RAB15: variants seen among roughly 807,000 people sequenced by gnomAD.
The protein encoded by RAB15 is RAB15, member RAS oncogene family.
In RAB15, 13 loss-of-function variants were observed where a neutral mutation model predicts 31.8. The ratio of observed to expected loss-of-function variants is 0.41; its 90% CI spans 0.27 to 0.65. The LOEUF is 0.65. Ranked by LOEUF, RAB15 falls within the 30% of genes least tolerant of loss-of-function variation. The pLI, the probability that RAB15 is intolerant of heterozygous loss-of-function variation, is 0.32. For missense variants in RAB15, 220 were observed against 277.3 expected (o/e 0.79, Z 1.47); for synonymous variants, 100 against 105.6 (o/e 0.95, Z 0.33).
intron 1 of RAB15, among the ~76,000 whole-genome samples, chr14:64,956,951 G>T (rs911325359): frequency 3.7e-3 from 343 of 92,718 alleles, no homozygotes; most frequent in Middle Eastern, 0.022. Flanking sequence ...TTTTTTTTTT[G>T]GGATGGAGTC....
In RAB15 at chr14:64,951,497, A is replaced by C; in HGVS notation, c.246+106T>G. 9.6e-7 allele frequency: 1 copy of C among 1,038,684 alleles called. No individual in the cohort carries two copies. The highest frequency in any genetic ancestry group is 1.5e-6 in the Non-Finnish European group (1 of 654,508). 64.3% of individuals were successfully genotyped at this position (1,038,684 alleles called of 1,614,324 possible). A position where few individuals can be genotyped will look rare whatever the true frequency, so the allele number is the denominator to read the frequency against. ...AAAGACGCCCTGCGCTCCTCCAAGC[A>C]GGCGAACTGTATTTAGGGGATCCGT... On this transcript the variant is annotated intron_variant, in intron 3 of 6. Coordinates refer to ENST00000533601, the MANE Select transcript of RAB15 (RefSeq NM_001308154.2). This position sits in a 1 kb window ranked among gnomAD's most constrained non-coding sequence, Gnocchi z 7.2.
rs574455626 is a variant in RAB15 at position 64,954,896 on chromosome 14, C to T, written c.125-2325G>A. On this transcript the variant is annotated intron_variant, in intron 1 of 6. Coordinates refer to ENST00000533601, the MANE Select transcript of RAB15 (RefSeq NM_001308154.2). The surrounding 1 kb of genome is among the most constrained non-coding windows in gnomAD (Gnocchi z 4.3). Reference sequence around the variant, plus strand: ...TTCCAATATTAAGGTGAATTTTTCCCTGTGAGAGAAGAGGGGATGGAGGGA... The same window carrying T: ...TTCCAATATTAAGGTGAATTTTTCCTTGTGAGAGAAGAGGGGATGGAGGGA... Among the ~76,000 whole-genome samples, 3 of 152,258 alleles carry T rather than the reference C, an allele frequency of 2.0e-5. No individual in the cohort carries two copies. The highest frequency in any genetic ancestry group is 7.2e-5 in the African/African-American group (3 of 41,534).
At chr14:64,967,186 CCCT>C (rs1887183241) in intron 1 of RAB15, among the ~76,000 whole-genome samples, 1 of 152,218 alleles carries the variant, frequency 6.6e-6, no homozygotes, top group African/African-American at 2.4e-5. Flanking sequence ...AACCAGATCA[CCCT>C]CCTCCTCACC....
In RAB15 at chr14:64,950,513, G is replaced by T. The variant is rs554048707; in HGVS notation, c.325-99C>A. The T allele has an allele frequency of 1.3e-4, 133 of 1,009,112 alleles. No homozygotes were observed. The African/African-American group carries it at 1.9e-3, about 15-fold the overall frequency. The allele number at this position is 1,009,112 out of a possible 1,614,324, so 62.5% of individuals were successfully genotyped here. A position where few individuals can be genotyped will look rare whatever the true frequency, so the allele number is the denominator to read the frequency against. On this transcript the variant is annotated intron_variant, in intron 4 of 6. Coordinates refer to ENST00000533601, the MANE Select transcript of RAB15 (RefSeq NM_001308154.2). The surrounding 1 kb of genome is among the most constrained non-coding windows in gnomAD (Gnocchi z 5.6). ...TGCCTCCAGCCCACCACCAATTCCA[G>T]AGCCCTAGGGACAGGGTGGGCCGAC...
At position 64,948,929 on chromosome 14, in the gene RAB15, G is replaced by C. The variant is rs192549383; in HGVS notation, c.415-196C>G. On this transcript the variant is annotated intron_variant, in intron 5 of 6. Coordinates refer to ENST00000533601, the MANE Select transcript of RAB15 (RefSeq NM_001308154.2). The surrounding 1 kb of genome is among the most constrained non-coding windows in gnomAD (Gnocchi z 7.0). ...ATGGGGGAAGATCCTCCACAAATATGCCTCTCCATTCTTCCAGCTGCCACC... is the reference window on the plus strand; with the variant it reads ...ATGGGGGAAGATCCTCCACAAATATCCCTCTCCATTCTTCCAGCTGCCACC... 7.9e-5 allele frequency among the ~76,000 whole-genome samples: 12 copies of C among 152,230 alleles called. No homozygotes were observed. Among genetic ancestry groups the C allele is most frequent in the Non-Finnish European group, 1.8e-4 (12 of 68,010 alleles).
rs1371825147 is a variant in RAB15 at position 64,962,550 on chromosome 14, A to G, written c.124+9403T>C. Among the ~76,000 whole-genome samples, 1 of 152,240 alleles carries G rather than the reference A, an allele frequency of 6.6e-6. No individual in the cohort carries two copies. Among genetic ancestry groups the G allele is most frequent in the Non-Finnish European group, 1.5e-5 (1 of 68,038 alleles). ...TAAAGTAGAGAGTGAGGAGACCCCA[A>G]GCACAAGCAACCTTAGACTGGCTGG... On this transcript the variant is annotated intron_variant, in intron 1 of 6. Transcript: ENST00000533601. This position sits in a 1 kb window ranked among gnomAD's most constrained non-coding sequence, Gnocchi z 4.2.
In RAB15 at chr14:64,951,121, C is replaced by G. The variant is rs747867822; in HGVS notation, c.277G>C (p.Glu93Gln). ...TTCATGATGTGCTGGTAAGAGCGCT[C>G]GCTGCTAATGTCATAGACCAAAAAT... is the stretch of plus-strand genomic sequence containing the variant. ...GIFLVYDISS[E>Q]RSYQHIMKWV... The change falls in exon 4 of 7, where the codon GAG becomes CAG. Residue 93 changes from glutamate (E) to glutamine (Q), a missense_variant. Coordinates refer to ENST00000533601, the MANE Select transcript of RAB15 (RefSeq NM_001308154.2). This position sits in a 1 kb window ranked among gnomAD's most constrained non-coding sequence, Gnocchi z 7.2. 2 of 1,612,692 alleles carry G rather than the reference C, an allele frequency of 1.2e-6. No individual in the cohort carries two copies. The highest frequency in any genetic ancestry group is 1.7e-5 in the Admixed American group (1 of 60,020).
Position 64,968,363 on chromosome 14 carries a change from C to T in RAB15, c.124+3590G>A, listed in dbSNP as rs1887243763. On this transcript the variant is annotated intron_variant, in intron 1 of 6. Transcript: ENST00000533601. This position sits in a 1 kb window ranked among gnomAD's most constrained non-coding sequence, Gnocchi z 4.9. ...AGCAGCCCACACTGAGGCCTAGCTT[C>T]AGCCTTCCCTGCCGGTTCTAGTCCA... Among the ~76,000 whole-genome samples, 1 of 152,210 alleles carries T rather than the reference C, an allele frequency of 6.6e-6. No individual in the cohort carries two copies.
intron 1 of RAB15, among the ~76,000 whole-genome samples, chr14:64,963,235 C>T (rs1002033440): frequency 6.6e-6 from 1 of 151,364 alleles, no homozygotes; most frequent in Non-Finnish European, 1.5e-5. Flanking sequence ...TCTCCTGCCT[C>T]AGGCTCCCAA....
Position 64,950,196 on chromosome 14 carries a change from C to T in RAB15, c.414+129G>A. 1 of 786,004 alleles carries T rather than the reference C, an allele frequency of 1.3e-6. No homozygotes were observed. The highest frequency in any genetic ancestry group is 2.2e-6 in the Non-Finnish European group (1 of 445,434). The allele number at this position is 786,004 out of a possible 1,614,324, so 48.7% of individuals were successfully genotyped here. A position where few individuals can be genotyped will look rare whatever the true frequency, so the allele number is the denominator to read the frequency against. ...TCCGAGGATGGCCACTCCCCCAGGG[C>T]CTTGGGGTGCTGGGGACGTGTGGGA... On this transcript the variant is annotated intron_variant, in intron 5 of 6. Transcript: ENST00000533601. This position sits in a 1 kb window ranked among gnomAD's most constrained non-coding sequence, Gnocchi z 5.6.
chr14:64,964,496 G>T (rs1430860823), intron 1 of RAB15, among the ~76,000 whole-genome samples: 2 of 148,580 alleles, frequency 1.3e-5, no homozygotes, highest in African/African-American at 2.5e-5. Flanking sequence ...ATCCAGCCTG[G>T]TGACAGAGCA....
rs1033741438 is a variant in RAB15 at position 64,962,734 on chromosome 14, C to G, written c.124+9219G>C. Among the ~76,000 whole-genome samples, 2 of 152,208 alleles carry G rather than the reference C, an allele frequency of 1.3e-5. No individual in the cohort carries two copies. Among genetic ancestry groups the G allele is most frequent in the Non-Finnish European group, 1.5e-5 (1 of 68,030 alleles). On this transcript the variant is annotated intron_variant, in intron 1 of 6. Coordinates refer to ENST00000533601, the MANE Select transcript of RAB15 (RefSeq NM_001308154.2). This position sits in a 1 kb window ranked among gnomAD's most constrained non-coding sequence, Gnocchi z 4.2. ...TCACAGTTCCTAGGAAGAGGGTCAA[C>G]AGTACTCTCTCCTTTGTTACAAAAG...
Position 64,948,520 on chromosome 14 carries a change from C to A in RAB15, c.481-8G>T, listed in dbSNP as rs768549070. 5.0e-6 allele frequency: 8 copies of A among 1,603,998 alleles called. No individual in the cohort carries two copies. The highest frequency in any genetic ancestry group is 6.0e-6 in the Non-Finnish European group (7 of 1,174,870). On this transcript the variant is annotated splice_polypyrimidine_tract_variant and splice_region_variant and intron_variant, in intron 6 of 6. Coordinates refer to ENST00000533601, the MANE Select transcript of RAB15 (RefSeq NM_001308154.2). This position sits in a 1 kb window ranked among gnomAD's most constrained non-coding sequence, Gnocchi z 7.0. ...TGTCAGACGCGTGAATGACTGGAAA[C>A]CAAAGGGCACAGGTTAGTCCAGTGT... is the stretch of plus-strand genomic sequence containing the variant.
At chr14:64,966,298 G>A (rs1037537091) in intron 1 of RAB15, among the ~76,000 whole-genome samples, 3 of 152,068 alleles carry the variant, frequency 2.0e-5, no homozygotes, top group Non-Finnish European at 4.4e-5. Context: ...ACAAGTGATG[G>A]ATACACAGGA....
chr14:64,954,175 CT>C lies in RAB15; in HGVS notation c.125-1605del. ...CCCAAGCTGATTCATATCCATTGAG[CT>C]GTACTTTTCCAAATGGGCAATGCCT... is the stretch of plus-strand genomic sequence containing the variant. On this transcript the variant is annotated intron_variant, in intron 1 of 6. Coordinates refer to ENST00000533601, the MANE Select transcript of RAB15 (RefSeq NM_001308154.2). This position sits in a 1 kb window ranked among gnomAD's most constrained non-coding sequence, Gnocchi z 4.3. 3.0e-6 allele frequency: 3 copies of C among 985,420 alleles called. No homozygotes were observed. The highest frequency in any genetic ancestry group is 3.6e-6 in the Non-Finnish European group (3 of 829,936). 61.0% of individuals were successfully genotyped at this position (985,420 alleles called of 1,614,324 possible). A position where few individuals can be genotyped will look rare whatever the true frequency, so the allele number is the denominator to read the frequency against.
chr14:64,953,917 C>T lies in RAB15; in HGVS notation c.125-1346G>A. 1 of 985,404 alleles carries T rather than the reference C, an allele frequency of 1.0e-6. No homozygotes were observed. Among genetic ancestry groups the T allele is most frequent in the Non-Finnish European group, 1.2e-6 (1 of 829,928 alleles). The allele number at this position is 985,404 out of a possible 1,614,324, so 61.0% of individuals were successfully genotyped here. ...GCCCGGCCCAGAAGGCCTGAAGGCACCAGCATCCCCATCACCACTGCCACT... is the reference window on the plus strand; with the variant it reads ...GCCCGGCCCAGAAGGCCTGAAGGCATCAGCATCCCCATCACCACTGCCACT... On this transcript the variant is annotated intron_variant, in intron 1 of 6. Coordinates refer to ENST00000533601, the MANE Select transcript of RAB15 (RefSeq NM_001308154.2). This position sits in a 1 kb window ranked among gnomAD's most constrained non-coding sequence, Gnocchi z 4.6.
chr14:64,954,432 G>C lies in RAB15; in HGVS notation c.125-1861C>G, dbSNP rs1886429725. 4.1e-6 allele frequency: 4 copies of C among 985,344 alleles called. No individual in the cohort carries two copies. Among genetic ancestry groups the C allele is most frequent in the Admixed American group, 6.1e-5 (1 of 16,268 alleles). 61.0% of individuals were successfully genotyped at this position (985,344 alleles called of 1,614,324 possible). On this transcript the variant is annotated intron_variant, in intron 1 of 6. Coordinates refer to ENST00000533601, the MANE Select transcript of RAB15 (RefSeq NM_001308154.2). The surrounding 1 kb of genome is among the most constrained non-coding windows in gnomAD (Gnocchi z 4.3). ...AAGAACGAGAAATTTTCTCCAATTT[G>C]TAATATACCTGGTTTATCCTCACAC...
chr14:64,959,139 C>T lies in RAB15; in HGVS notation c.125-6568G>A, dbSNP rs569014792. 6.6e-5 allele frequency among the ~76,000 whole-genome samples: 10 copies of T among 152,304 alleles called. No individual in the cohort carries two copies. In the South Asian group the frequency reaches 1.7e-3, roughly 25 times the overall value. The stretch of plus-strand genomic sequence containing the variant: ...AGGCAGACAAACATGCAGAAAGAAG[C>T]GGAGAGGCCTAAGGATGATGAACAT... On this transcript the variant is annotated intron_variant, in intron 1 of 6. Transcript: ENST00000533601.
At chr14:64,956,425 AG>A (rs761694797) in intron 1 of RAB15, among the ~76,000 whole-genome samples, 100 of 150,710 alleles carry the variant, frequency 6.6e-4, no homozygotes, top group Non-Finnish European at 1.2e-3. Flanking sequence ...AAAAAAAAAA[AG>A]AAAAGAAAGG....
Sources: gnomAD v4.1 joint callset for allele counts (sites outside exome capture counted in the v4.1 genomes callset) on GRCh38, gnomAD v4.1.1 for gene constraint, Gnocchi (gnomAD v3.1) non-coding constraint, MANE v1.5 for transcripts, NCBI Gene and HGNC (gene_info 2026-07-23, HGNC 2026-07-21) for gene names.